The following ZNF503 variants were observed in gnomAD, a reference collection of about 807,000 sequenced individuals.
ZNF503 encodes NocA-like zinc finger 2.
In ZNF503, 15 loss-of-function variants were observed where a neutral mutation model predicts 34.4. The ratio of observed to expected loss-of-function variants is 0.44; its 90% confidence interval spans 0.29 to 0.67. ZNF503 has a LOEUF of 0.67. ZNF503 is among the 30% of genes least tolerant of loss of function. ZNF503 has a pLI of 0.13. For missense variants in ZNF503, 1,007 were observed against 926.8 expected, an observed-to-expected ratio of 1.09 and a Z score of -1.12; for synonymous variants, 580 against 456.8, an observed-to-expected ratio of 1.27 and a Z score of -3.44.
At chr10:75,348,818 ATTAC>A in the ZNF503 span, among the ~76,000 whole-genome samples, 2 of 152,108 alleles carry the variant, frequency 1.3e-5, no homozygotes, top group African/African-American at 4.8e-5. Context: ...GGCCGCCCCT[ATTAC>A]TTTTTAAAAC....
At chr10:75,329,310 G>A in the ZNF503 span, among the ~76,000 whole-genome samples, 4 of 151,150 alleles carry the variant, frequency 2.6e-5, no homozygotes, top group Non-Finnish European at 5.9e-5. Context: ...AGTTTTTTTG[G>A]TGGCACTTTC....
chr10:75,372,880 C>T, the ZNF503 span, among the ~76,000 whole-genome samples: 1 of 152,300 alleles, frequency 6.6e-6, no homozygotes, highest in East Asian at 1.9e-4. Context: ...TTCTCATTCA[C>T]ACCTTGGTTT....
At chr10:75,339,659 C>CGGCTT in the ZNF503 span, among the ~76,000 whole-genome samples, 1 of 152,154 alleles carries the variant, frequency 6.6e-6, no homozygotes, top group East Asian at 1.9e-4. Flanking sequence ...GGAGCCAAGC[C>CGGCTT]ACCTGTGCCT....
At chr10:75,310,219 A>G in the ZNF503 span, among the ~76,000 whole-genome samples, 3 of 152,210 alleles carry the variant, frequency 2.0e-5, no homozygotes, top group African/African-American at 4.8e-5. Context: ...ATATAAACAA[A>G]TATTAGAAAA....
At chr10:75,354,475 G>A in the ZNF503 span, among the ~76,000 whole-genome samples, 1 of 152,152 alleles carries the variant, frequency 6.6e-6, no homozygotes, top group African/African-American at 2.4e-5. Context: ...CACTTTGGGA[G>A]GCTGAGGCAG....
the ZNF503 span, among the ~76,000 whole-genome samples, chr10:75,351,448 C>T: frequency 2.6e-5 from 4 of 152,020 alleles, no homozygotes; most frequent in Admixed American, 6.6e-5. Context: ...CTGGGATTAC[C>T]GGTGTGAGTC....
downstream of ZNF503, among the ~76,000 whole-genome samples, chr10:75,395,661 C>A (rs1288377496): frequency 6.6e-6 from 1 of 152,180 alleles, no homozygotes; most frequent in Non-Finnish European, 1.5e-5. The surrounding 1 kb of genome is among the most constrained non-coding windows in gnomAD (Gnocchi z 4.4). Context: ...CAGATACTGG[C>A]ACCCACCCTT....
chr10:75,369,725 T>C, the ZNF503 span, among the ~76,000 whole-genome samples: 1 of 152,178 alleles, frequency 6.6e-6, no homozygotes, highest in Non-Finnish European at 1.5e-5. Flanking sequence ...GAATGAAGCA[T>C]ATTAGTGTTA....
the ZNF503 span, among the ~76,000 whole-genome samples, chr10:75,301,590 C>T: frequency 7.2e-5 from 11 of 151,788 alleles, no homozygotes; most frequent in Admixed American, 5.9e-4. Context: ...TTCTCTTTTA[C>T]TGCCTGATTT....
the ZNF503 span, among the ~76,000 whole-genome samples, chr10:75,386,471 C>T: frequency 6.6e-6 from 1 of 152,206 alleles, no homozygotes; most frequent in African/African-American, 2.4e-5. Context: ...CGCCTTCCTG[C>T]TGTCCATTCC....
chr10:75,328,239 T>C, the ZNF503 span, among the ~76,000 whole-genome samples: 1 of 152,196 alleles, frequency 6.6e-6, no homozygotes, highest in Non-Finnish European at 1.5e-5. Flanking sequence ...GGGTCTTACA[T>C]GTAAGTCTTT....
At chr10:75,308,195 C>CT in the ZNF503 span, among the ~76,000 whole-genome samples, 3,069 of 133,244 alleles carry the variant, frequency 0.023, 166 homozygotes, top group African/African-American at 0.077. Flanking sequence ...GACAATACAT[C>CT]TTTTTTTTTT....
the ZNF503 span, chr10:75,283,489 G>C: frequency 6.6e-6 from 1 of 152,298 alleles, no homozygotes; most frequent in South Asian, 2.1e-4. Flanking sequence ...AAGGACAAAA[G>C]CTCAGCCTGG....
the ZNF503 span, among the ~76,000 whole-genome samples, chr10:75,365,079 G>A: frequency 6.6e-6 from 1 of 152,234 alleles, no homozygotes; most frequent in African/African-American, 2.4e-5. Flanking sequence ...AACCTGGAAG[G>A]AAGGAGGCAC....
the ZNF503 span, among the ~76,000 whole-genome samples, chr10:75,287,528 C>T: frequency 6.6e-6 from 1 of 152,156 alleles, no homozygotes; most frequent in African/African-American, 2.4e-5. Context: ...TTTCATTCCT[C>T]AGTCTCCCAT....
At chr10:75,380,025 T>C in the ZNF503 span, among the ~76,000 whole-genome samples, 5 of 152,114 alleles carry the variant, frequency 3.3e-5, no homozygotes, top group African/African-American at 1.2e-4. Flanking sequence ...GAGTGTCTGG[T>C]AACATGGGTT....
At chr10:75,296,835 G>C in the ZNF503 span, among the ~76,000 whole-genome samples, 1 of 152,154 alleles carries the variant, frequency 6.6e-6, no homozygotes, top group African/African-American at 2.4e-5. Context: ...GGTACCAACA[G>C]AGGAGATGGC....
chr10:75,362,954 TG>T, the ZNF503 span, among the ~76,000 whole-genome samples: 4 of 152,124 alleles, frequency 2.6e-5, no homozygotes, highest in African/African-American at 4.8e-5. Flanking sequence ...ACCCCAGCCT[TG>T]GCCAAGTCCC....
At chr10:75,284,451 G>A in the ZNF503 span, among the ~76,000 whole-genome samples, 5 of 152,074 alleles carry the variant, frequency 3.3e-5, no homozygotes, top group African/African-American at 7.2e-5. Context: ...ACTGGAGGGC[G>A]ATGGGGAAGA....
Sources: gnomAD v4.1 joint callset for allele counts (sites outside exome capture counted in the v4.1 genomes callset) on GRCh38, gnomAD v4.1.1 for gene constraint, Gnocchi (gnomAD v3.1) non-coding constraint, MANE v1.5 for transcripts, NCBI Gene and HGNC (gene_info 2026-07-23, HGNC 2026-07-21) for gene names.